Variants in PCDHA1 observed in about 807,000 individuals in gnomAD.
PCDHA1 encodes protocadherin alpha-1.
Under a neutral mutation model 61.3 loss-of-function variants are expected in PCDHA1, and 42 were observed. That is an observed-to-expected ratio of 0.69 (90% CI 0.54 to 0.89). The LOEUF is 0.89. PCDHA1 is among the 40% of genes least tolerant of loss of function. The pLI is 0.00. For synonymous variants in PCDHA1, 610 were observed against 553.8 expected (o/e 1.10, Z -1.43); for missense variants, 1,256 against 1,235.3 (o/e 1.02, Z -0.25).
intron 1 of PCDHA1, among the ~76,000 whole-genome samples, chr5:140,924,668 G>T (rs2081943079): frequency 6.6e-6 from 1 of 152,142 alleles, no homozygotes; most frequent in Non-Finnish European, 1.5e-5. Context: ...GCCGAGGCAG[G>T]CCAATCACTT....
intron 1 of PCDHA1, chr5:140,852,597 C>A (rs1410004907): frequency 2.6e-5 from 23 of 879,650 alleles, no homozygotes; most frequent in Non-Finnish European, 2.9e-5. Flanking sequence ...TTTTTTTTGT[C>A]ATTTTCTTTC....
At chr5:140,925,665 A>C (rs2082643258) in intron 1 of PCDHA1, among the ~76,000 whole-genome samples, 1 of 149,266 alleles carries the variant, frequency 6.7e-6, no homozygotes, top group Non-Finnish European at 1.5e-5. Flanking sequence ...TAATAATAAT[A>C]ATAATAATAA....
intron 1 of PCDHA1, among the ~76,000 whole-genome samples, chr5:140,790,768 C>A (rs1226486367): frequency 6.6e-6 from 1 of 152,180 alleles, no homozygotes; most frequent in Non-Finnish European, 1.5e-5. Flanking sequence ...TTCAATATTT[C>A]TTTATTTAGT....
chr5:140,809,301 G>A, intron 1 of PCDHA1: 1 of 1,614,118 alleles, frequency 6.2e-7, no homozygotes, highest in Non-Finnish European at 8.5e-7. Flanking sequence ...ATTGCCATCT[G>A]CGCGGTGTCC....
intron 1 of PCDHA1, chr5:140,843,224 C>A: frequency 6.3e-7 from 1 of 1,596,086 alleles, no homozygotes; most frequent in Non-Finnish European, 8.6e-7. Context: ...CAGCACCACT[C>A]GTGTCCTGGA....
At chr5:140,802,552 C>T (rs1762943927) in intron 1 of PCDHA1, 4 of 1,614,080 alleles carry the variant, frequency 2.5e-6, no homozygotes, top group African/African-American at 1.3e-5. Context: ...AACGACAATG[C>T]GCCGGCATTC....
chr5:140,838,073 ATATAGTGT>A (rs1457215249), intron 1 of PCDHA1, among the ~76,000 whole-genome samples: 9 of 126,836 alleles, frequency 7.1e-5, no homozygotes, highest in Admixed American at 1.7e-4. Context: ...AGTTATATAT[ATATAGTGT>A]GTGTGTGTGT....
At chr5:140,880,812 G>C (rs782505360) in intron 1 of PCDHA1, among the ~76,000 whole-genome samples, 2 of 152,200 alleles carry the variant, frequency 1.3e-5, no homozygotes, top group Non-Finnish European at 2.9e-5. Flanking sequence ...AATGACTCTA[G>C]AGTGTCTGGA....
intron 3 of PCDHA1, among the ~76,000 whole-genome samples, chr5:140,985,532 G>C (rs1358120172): frequency 6.6e-6 from 1 of 152,072 alleles, no homozygotes; most frequent in African/African-American, 2.4e-5. Flanking sequence ...AAAGCTTCAC[G>C]GTGAAGATGC....
intron 1 of PCDHA1, among the ~76,000 whole-genome samples, chr5:140,949,849 G>A (rs1381006146): frequency 5.9e-5 from 9 of 151,472 alleles, no homozygotes; most frequent in Admixed American, 2.0e-4. Flanking sequence ...TTCTGTTTCC[G>A]CTTATCTGTT....
intron 1 of PCDHA1, chr5:140,884,458 C>A: frequency 6.2e-7 from 1 of 1,613,736 alleles, no homozygotes; most frequent in Non-Finnish European, 8.5e-7. Flanking sequence ...CCACCGAGGG[C>A]GCGTGCGCGC....
At chr5:140,857,939 A>C in intron 1 of PCDHA1, 1 of 1,597,618 alleles carries the variant, frequency 6.3e-7, no homozygotes, top group Middle Eastern at 1.7e-4. Flanking sequence ...GGGCGAGATC[A>C]GTACGACGCG....
chr5:140,828,092 A>G (rs2150150860), intron 1 of PCDHA1: 2 of 1,598,744 alleles, frequency 1.3e-6, no homozygotes, highest in East Asian at 2.2e-5. Context: ...GGTATTTGAC[A>G]TGGTGTTTAC....
At chr5:140,891,827 A>G (rs943963989) in intron 1 of PCDHA1, among the ~76,000 whole-genome samples, 1 of 152,212 alleles carries the variant, frequency 6.6e-6, no homozygotes, top group Non-Finnish European at 1.5e-5. Flanking sequence ...ACGGCACTGT[A>G]AAAGGACTTG....
chr5:140,941,210 T>TTC (rs2092846943), intron 1 of PCDHA1, among the ~76,000 whole-genome samples: 12 of 100,630 alleles, frequency 1.2e-4, no homozygotes, highest in Admixed American at 4.7e-4. Context: ...TTCCTTTCTT[T>TTC]CTTCCTTTCT....
chr5:140,955,452 G>A (rs921510611), intron 1 of PCDHA1, among the ~76,000 whole-genome samples: 1 of 152,024 alleles, frequency 6.6e-6, no homozygotes, highest in African/African-American at 2.4e-5. Flanking sequence ...TTTTATAAGG[G>A]CTTTTTCCTT....
intron 1 of PCDHA1, among the ~76,000 whole-genome samples, chr5:140,946,629 T>TATATATATATATATATATATATATATAC (rs1367833800): frequency 2.4e-5 from 3 of 123,274 alleles, no homozygotes; most frequent in Non-Finnish European, 3.6e-5. Context: ...TATATATATA[T>TATATATATATATATATATATATATATAC]ATACAATGGA....
At chr5:140,843,013 A>C in intron 1 of PCDHA1, 1 of 1,595,130 alleles carries the variant, frequency 6.3e-7, no homozygotes, top group South Asian at 1.1e-5. Context: ...ACGCGCCGGC[A>C]CTGCTGGAGC....
At chr5:140,980,584 C>T (rs1447001293) in intron 2 of PCDHA1, among the ~76,000 whole-genome samples, 3 of 151,934 alleles carry the variant, frequency 2.0e-5, no homozygotes, top group Non-Finnish European at 4.4e-5. Context: ...GAGCCAAGAT[C>T]GAGCCACTGC....
Sources: gnomAD v4.1 joint callset for allele counts (sites outside exome capture counted in the v4.1 genomes callset) on GRCh38, gnomAD v4.1.1 for gene constraint, MANE v1.5 for transcripts, NCBI Gene and HGNC (gene_info 2026-07-23, HGNC 2026-07-21) for gene names.